The following RAPGEF4 variants were observed in gnomAD, a reference collection of about 807,000 sequenced individuals.
The protein encoded by RAPGEF4 is RAP guanine-nucleotide-exchange factor (GEF) 4.
In RAPGEF4, 66 loss-of-function variants were observed where a neutral mutation model predicts 147.9. That is an observed-to-expected ratio of 0.45 (90% CI 0.37 to 0.55). The LOEUF is 0.55. Ranked by LOEUF, RAPGEF4 falls within the 20% of genes least tolerant of loss-of-function variation. RAPGEF4 has a pLI of 0.00. For missense variants in RAPGEF4, 1,071 were observed against 1,257.3 expected, an observed-to-expected ratio of 0.85 and a Z score of 2.24; for synonymous variants, 419 against 442.7, an observed-to-expected ratio of 0.95 and a Z score of 0.67.
Position 172,797,548 on chromosome 2 carries a change from A to G in RAPGEF4, c.232A>G (p.Thr78Ala). Residue 78 changes from threonine (T) to alanine (A), a missense_variant, in exon 3 of 31, where the codon ACA (threonine) becomes GCA (alanine). Coordinates refer to ENST00000397081, the MANE Select transcript of RAPGEF4 (RefSeq NM_007023.4). ...ITLFRQGDIGTNWYAVLAGSL... is the reference protein window; with the variant it reads ...ITLFRQGDIGANWYAVLAGSL... ...AGTATTTCGCCAGGGTGATATTGGA[A>G]CAAACTGGTATGCTGTCCTGGCAGG... 1 of 1,613,752 alleles carries G rather than the reference A, an allele frequency of 6.2e-7. No homozygotes were observed. The highest frequency in any genetic ancestry group is 8.5e-7 in the Non-Finnish European group (1 of 1,179,814).
chr2:172,815,463 A>T (rs954294652), intron 4 of RAPGEF4, among the ~76,000 whole-genome samples: 6 of 152,240 alleles, frequency 3.9e-5, no homozygotes, highest in Non-Finnish European at 5.9e-5. Context: ...CTTAGAAAGT[A>T]TTAAAGAGCT....
chr2:172,903,686 G>A (rs939764179), intron 4 of RAPGEF4, among the ~76,000 whole-genome samples: 23 of 144,852 alleles, frequency 1.6e-4, no homozygotes, highest in Middle Eastern at 3.4e-3. Flanking sequence ...TATGGCAAAA[G>A]CTAAGAGACC....
At chr2:172,854,455 A>G (rs1693190081) in intron 4 of RAPGEF4, among the ~76,000 whole-genome samples, 1 of 151,760 alleles carries the variant, frequency 6.6e-6, no homozygotes, top group Admixed American at 6.6e-5. Context: ...TTATTTTCTA[A>G]CTATCTGTTT....
At chr2:173,025,494 G>A (rs6433388) in intron 23 of RAPGEF4, among the ~76,000 whole-genome samples, 34,221 of 152,176 alleles carry the variant, frequency 0.22, 4,039 homozygotes, top group East Asian at 0.36. Flanking sequence ...CCAGGCTGGG[G>A]TGCAGTGGCA....
chr2:172,847,358 G>T (rs1692311389), intron 4 of RAPGEF4, among the ~76,000 whole-genome samples: 1 of 152,172 alleles, frequency 6.6e-6, no homozygotes, highest in Admixed American at 6.5e-5. Context: ...GTCTTGCGTG[G>T]CAGGGTGACT....
chr2:172,998,005 G>C (rs1559173301), intron 16 of RAPGEF4, among the ~76,000 whole-genome samples: 1 of 152,146 alleles, frequency 6.6e-6, no homozygotes, highest in African/African-American at 2.4e-5. Context: ...ATTATTCTCA[G>C]GTCAATATTT....
At chr2:173,007,720 AGTAGT>A (rs1694621190) in intron 17 of RAPGEF4, among the ~76,000 whole-genome samples, 1 of 152,188 alleles carries the variant, frequency 6.6e-6, no homozygotes, top group Admixed American at 6.5e-5. Context: ...ATGGGACCTA[AGTAGT>A]GTAATTTCAG....
Position 172,922,314 on chromosome 2 carries a change from C to T in RAPGEF4, c.537+14C>T. 1 of 1,600,486 alleles carries T rather than the reference C, an allele frequency of 6.2e-7. No homozygotes were observed. Among genetic ancestry groups the T allele is most frequent in the Non-Finnish European group, 8.6e-7 (1 of 1,167,832 alleles). On this transcript the variant is annotated intron_variant, in intron 6 of 30. Transcript: ENST00000397081. ...GACAAGGAGAACGTGAGTAGCTACT[C>T]TCTCTGCCTATCTTCTAAAAATTGT...
At chr2:172,770,412 A>G (rs973836249) in intron 1 of RAPGEF4, among the ~76,000 whole-genome samples, 4 of 152,212 alleles carry the variant, frequency 2.6e-5, no homozygotes, top group Admixed American at 2.0e-4. Context: ...GGGTGATAAT[A>G]TAATACCTAC....
intron 17 of RAPGEF4, among the ~76,000 whole-genome samples, chr2:173,010,089 A>T (rs1559182166): frequency 6.6e-6 from 1 of 152,242 alleles, no homozygotes; most frequent in Non-Finnish European, 1.5e-5. Flanking sequence ...ACTTAAACTC[A>T]TTCTGCCTCA....
chr2:173,035,773 A>ATAATATTATGTTATATATATTAT (rs1683917966), intron 27 of RAPGEF4, among the ~76,000 whole-genome samples: 3 of 152,246 alleles, frequency 2.0e-5, no homozygotes, highest in African/African-American at 7.2e-5. Context: ...ATTATTATGT[A>ATAATATTATGTTATATATATTAT]CTATATTCTT....
intron 4 of RAPGEF4, among the ~76,000 whole-genome samples, chr2:172,889,486 A>G (rs1697639475): frequency 6.6e-6 from 1 of 152,154 alleles, no homozygotes; most frequent in Non-Finnish European, 1.5e-5. Context: ...ACTACTTTGC[A>G]TTTAGGATGG....
chr2:172,805,186 G>A (rs1231041783), intron 3 of RAPGEF4, among the ~76,000 whole-genome samples: 5 of 152,150 alleles, frequency 3.3e-5, no homozygotes, highest in Admixed American at 2.6e-4. Context: ...CCTAATTCAA[G>A]GCTTCAAGAG....
chr2:172,829,072 C>T (rs917168338), intron 4 of RAPGEF4, among the ~76,000 whole-genome samples: 2 of 152,162 alleles, frequency 1.3e-5, no homozygotes, highest in African/African-American at 4.8e-5. Context: ...CAGAGTGCTG[C>T]GGCCCCTCCA....
At chr2:172,760,847 T>C (rs10168444) in intron 1 of RAPGEF4, among the ~76,000 whole-genome samples, 15,686 of 151,682 alleles carry the variant, frequency 0.1, 845 homozygotes, top group South Asian at 0.15. Context: ...ATGGACTGAA[T>C]AAAAAATAAC....
chr2:172,833,306 G>A lies in RAPGEF4; in HGVS notation c.444+18881G>A, dbSNP rs190731366. 2.5e-3 allele frequency among the ~76,000 whole-genome samples: 372 copies of A among 147,766 alleles called. 2 individuals carry two copies. Among genetic ancestry groups the A allele is most frequent in the Non-Finnish European group, 4.3e-3 (289 of 67,338 alleles). On this transcript the variant is annotated intron_variant, in intron 4 of 30. Transcript: ENST00000397081. The stretch of plus-strand genomic sequence containing the variant: ...ATTATTCCCTAAACAATATGATATG[G>A]TAACTATTTACATAGTATCTGTTTG...
chr2:173,038,316 G>A (rs929087071), intron 29 of RAPGEF4, among the ~76,000 whole-genome samples: 1 of 152,222 alleles, frequency 6.6e-6, no homozygotes, highest in Admixed American at 6.5e-5. Flanking sequence ...TTTGGCAAAT[G>A]CGTAAAGAAA....
At chr2:172,854,386 T>C (rs144309125) in intron 4 of RAPGEF4, among the ~76,000 whole-genome samples, 95 of 152,160 alleles carry the variant, frequency 6.2e-4, no homozygotes, top group Non-Finnish European at 9.4e-4. Flanking sequence ...AGGATATTAA[T>C]ATAGTTACTG....
intron 1 of RAPGEF4, among the ~76,000 whole-genome samples, chr2:172,736,503 T>G (rs1693787712): frequency 6.6e-6 from 1 of 152,210 alleles, no homozygotes; most frequent in South Asian, 2.1e-4. Context: ...AAGCAAAGTG[T>G]GAGGGACCCG....
Sources: allele counts gnomAD v4.1 joint callset (sites outside exome capture counted in the v4.1 genomes callset), GRCh38; gene constraint gnomAD v4.1.1; transcripts MANE v1.5; gene names NCBI Gene and HGNC (gene_info 2026-07-23, HGNC 2026-07-21).